DDX60: variants seen among roughly 807,000 people sequenced by gnomAD.
DDX60 encodes DExD/H-box helicase 60, also known as probable ATP-dependent RNA helicase DDX60.
A neutral mutation model predicts 212.8 loss-of-function variants in DDX60; 165 were observed. The observed-to-expected ratio is 0.78, with a 90% CI of 0.68 to 0.88. DDX60 has a LOEUF of 0.88. Among genes scored for constraint, DDX60 ranks in the 40% least tolerant of loss-of-function variants. DDX60 has a pLI of 0.00. For synonymous variants in DDX60, 703 were observed against 685.3 expected (o/e 1.03, Z -0.40); for missense variants, 1,905 against 2,003.9 (o/e 0.95, Z 0.94).
intron 21 of DDX60, 27 bp from the exon 22 acceptor site, chr4:168,267,718 C>T (rs779690108): frequency 3.2e-6 from 5 of 1,540,686 alleles, no homozygotes; most frequent in Non-Finnish European, 4.4e-6. Flanking sequence ...AGAATTTCCA[C>T]ATCAATGGAA....
chr4:168,254,518 A>G (rs1317019232), intron 26 of DDX60, among the ~76,000 whole-genome samples: 2 of 152,228 alleles, frequency 1.3e-5, no homozygotes, highest in African/African-American at 2.4e-5. Context: ...TCTTTCATTC[A>G]TTCAAATATA....
intron 1 of DDX60, among the ~76,000 whole-genome samples, chr4:168,312,622 A>G (rs1052359819): frequency 6.6e-6 from 1 of 151,934 alleles, no homozygotes; most frequent in Non-Finnish European, 1.5e-5. Flanking sequence ...GACACTTGCC[A>G]TTCAATATGT....
At position 168,308,005 on chromosome 4, in the gene DDX60, C is replaced by A; in HGVS notation, c.264+1G>T. The A allele has an allele frequency of 1.3e-6, 2 of 1,567,280 alleles. No homozygotes were observed. The highest frequency in any genetic ancestry group is 1.7e-6 in the Non-Finnish European group (2 of 1,166,124). ...AAAAAAGAACTCAACTATCATGTTA[C>A]CTTGAAGAAAACTATGGTGAATTGT... On this transcript the variant is annotated splice_donor_variant, in intron 4 of 37. Coordinates refer to ENST00000393743, the MANE Select transcript of DDX60 (RefSeq NM_017631.6). LOFTEE classifies it high-confidence loss of function.
intron 16 of DDX60, among the ~76,000 whole-genome samples, chr4:168,274,870 A>G (rs907416675): frequency 1.3e-5 from 2 of 152,224 alleles, no homozygotes; most frequent in Admixed American, 1.3e-4. Flanking sequence ...CAATGTATGT[A>G]GAAATGCATC....
intron 22 of DDX60, among the ~76,000 whole-genome samples, chr4:168,264,954 G>A (rs1027240087): frequency 6.6e-6 from 1 of 152,162 alleles, no homozygotes; most frequent in Non-Finnish European, 1.5e-5. Context: ...TGCTATTTTT[G>A]TAAACCACAT....
At chr4:168,303,973 C>T (rs538314204) in intron 5 of DDX60, among the ~76,000 whole-genome samples, 235 of 152,114 alleles carry the variant, frequency 1.5e-3, no homozygotes, top group Non-Finnish European at 3.1e-3. Flanking sequence ...CAGAGCAAGG[C>T]TCTGTCTCCA....
At chr4:168,261,468 A>G (rs1734620740) in intron 24 of DDX60, among the ~76,000 whole-genome samples, 1 of 152,216 alleles carries the variant, frequency 6.6e-6, no homozygotes, top group Non-Finnish European at 1.5e-5. Flanking sequence ...AGAAAAGTCT[A>G]ATATATGTCA....
At chr4:168,278,147 T>C (rs1031085966) in intron 14 of DDX60, among the ~76,000 whole-genome samples, 1 of 152,226 alleles carries the variant, frequency 6.6e-6, no homozygotes, top group African/African-American at 2.4e-5. Context: ...AAGTGCTTTC[T>C]TTAAGTGAAA....
rs376443321 is a variant in DDX60 at position 168,260,755 on chromosome 4, C to T, written c.3398+110G>A. On this transcript the variant is annotated intron_variant, in intron 25 of 37. Coordinates refer to ENST00000393743, the MANE Select transcript of DDX60 (RefSeq NM_017631.6). ...GCTCTGTGGCACAATTCCTAACAGA[C>T]CATGGGCTGGGCCAGTGATGGTCTG... is the stretch of plus-strand genomic sequence containing the variant. 7.1e-6 allele frequency: 7 copies of T among 986,248 alleles called. No homozygotes were observed. The Admixed American group carries it at 1.6e-4, about 22-fold the overall frequency. The allele number at this position is 986,248 out of a possible 1,614,324, so 61.1% of individuals were successfully genotyped here.
intron 6 of DDX60, among the ~76,000 whole-genome samples, chr4:168,301,709 T>C (rs541690177): frequency 4.1e-4 from 63 of 152,334 alleles, no homozygotes; most frequent in Admixed American, 6.5e-4. Flanking sequence ...AGATCCACTG[T>C]GGACATTAAA....
intron 7 of DDX60, among the ~76,000 whole-genome samples, chr4:168,293,260 C>T (rs1165359880): frequency 3.3e-5 from 5 of 152,168 alleles, no homozygotes; most frequent in Admixed American, 2.0e-4. Flanking sequence ...GCTAGGATGA[C>T]GCCAAGACAC....
At chr4:168,287,485 A>G (rs974334044) in intron 9 of DDX60, among the ~76,000 whole-genome samples, 2 of 152,346 alleles carry the variant, frequency 1.3e-5, no homozygotes, top group East Asian at 3.9e-4. Flanking sequence ...TCTTTAAGGT[A>G]ATAAAAATGT....
At chr4:168,298,022 TAA>T (rs1736482375) in intron 6 of DDX60, among the ~76,000 whole-genome samples, 1 of 151,560 alleles carries the variant, frequency 6.6e-6, no homozygotes, top group Admixed American at 6.6e-5. Context: ...TGAGAAAAAT[TAA>T]AACTTCAGAA....
At chr4:168,246,328 G>T in intron 30 of DDX60, 90 bp downstream of exon 30, 2 of 1,449,234 alleles carry the variant, frequency 1.4e-6, no homozygotes, top group Non-Finnish European at 1.9e-6. Context: ...ACTCAAGGGT[G>T]ATTGCTACAG....
chr4:168,318,842 C>A (rs1348284769), upstream of DDX60: 3 of 152,236 alleles, frequency 2.0e-5, no homozygotes, highest in Non-Finnish European at 4.4e-5. Flanking sequence ...TTCAGTTTCC[C>A]TTCAGCACGA....
At chr4:168,315,009 G>A (rs1737302468) in intron 1 of DDX60, among the ~76,000 whole-genome samples, 1 of 152,168 alleles carries the variant, frequency 6.6e-6, no homozygotes, top group African/African-American at 2.4e-5. Flanking sequence ...GGCCATATGA[G>A]AACTGGTTTA....
At chr4:168,254,672 A>G (rs780583505) in intron 26 of DDX60, among the ~76,000 whole-genome samples, 5 of 152,228 alleles carry the variant, frequency 3.3e-5, no homozygotes, top group African/African-American at 4.8e-5. Flanking sequence ...TAATTGATCT[A>G]CTAGCTATTG....
At chr4:168,238,455 AAGGGAAGGGAAG>A (rs1733719057) in intron 30 of DDX60, among the ~76,000 whole-genome samples, 2 of 116,344 alleles carry the variant, frequency 1.7e-5, no homozygotes, top group Non-Finnish European at 3.7e-5. Flanking sequence ...AAGGGAAGGG[AAGGGAAGGGAAG>A]GGAAGGGAAG....
intron 18 of DDX60, 38 bp from the exon 19 acceptor site, chr4:168,272,176 C>T: frequency 6.7e-7 from 1 of 1,481,530 alleles, no homozygotes; most frequent in African/African-American, 1.4e-5. Context: ...ACATTTTGAG[C>T]ACTTACTATG....
Sources: allele counts gnomAD v4.1 joint callset (sites outside exome capture counted in the v4.1 genomes callset), GRCh38; gene constraint gnomAD v4.1.1; transcripts MANE v1.5; gene names NCBI Gene and HGNC (gene_info 2026-07-23, HGNC 2026-07-21).